The following RHBDD1 variants were observed in gnomAD, a reference collection of about 807,000 sequenced individuals.
The protein encoded by RHBDD1 is rhomboid domain containing 1, also known as rhomboid-related protein 4.
RHBDD1 carries 38 observed loss-of-function variants against 36.3 expected under a neutral mutation model. The observed-to-expected ratio is 1.05, with a 90% CI of 0.81 to 1.37. RHBDD1 has a LOEUF of 1.37. Ranked by LOEUF, RHBDD1 falls within the 40% of genes most tolerant of loss-of-function variation. The pLI is 0.00. For missense variants in RHBDD1, 393 were observed against 377.6 expected (o/e 1.04, Z -0.34); for synonymous variants, 151 against 136.5 (o/e 1.11, Z -0.74).
the RHBDD1 span, among the ~76,000 whole-genome samples, chr2:226,815,746 A>G: frequency 6.6e-6 from 1 of 152,202 alleles, no homozygotes; most frequent in African/African-American, 2.4e-5. Flanking sequence ...AGTGGCCACT[A>G]TATTTGTTTC....
intron 3 of RHBDD1, among the ~76,000 whole-genome samples, chr2:226,850,372 CAG>C (rs1019408505): frequency 4.4e-4 from 67 of 152,294 alleles, no homozygotes; most frequent in African/African-American, 1.5e-3. Flanking sequence ...TCTGCGGTTT[CAG>C]AGAGGTCTTT....
At chr2:226,904,682 A>G (rs923305082) in intron 5 of RHBDD1, among the ~76,000 whole-genome samples, 5 of 152,118 alleles carry the variant, frequency 3.3e-5, no homozygotes, top group African/African-American at 9.7e-5. Flanking sequence ...AGTGTTCCTC[A>G]TTGCATGTTC....
At position 226,973,930 on chromosome 2, in the gene RHBDD1, A is replaced by T. The variant is rs115125502; in HGVS notation, c.857-21501A>T. ...CCCTGAGAATCTCCTTTTCGTTCGC[A>T]TGGGCTCTTTGATAGCAGAGTGGCT... On this transcript the variant is annotated intron_variant, in intron 8 of 8. Coordinates refer to ENST00000392062, the MANE Select transcript of RHBDD1 (RefSeq NM_001167608.3). Among the ~76,000 whole-genome samples, 847 of 152,252 alleles carry T rather than the reference A, an allele frequency of 5.6e-3. 10 individuals carry two copies. Among genetic ancestry groups the T allele is most frequent in the African/African-American group, 0.02 (813 of 41,540 alleles).
At chr2:226,834,827 G>A (rs1221544764), upstream of RHBDD1, among the ~76,000 whole-genome samples, 1 of 152,122 alleles carries the variant, frequency 6.6e-6, no homozygotes, top group African/African-American at 2.4e-5. Context: ...TGTCGCCCAG[G>A]CTGGAGTGCA....
At chr2:226,823,954 A>C in the RHBDD1 span, among the ~76,000 whole-genome samples, 1 of 152,138 alleles carries the variant, frequency 6.6e-6, no homozygotes, top group Non-Finnish European at 1.5e-5. Flanking sequence ...CTCATGATTG[A>C]ATCACACCCC....
At chr2:226,882,467 G>T (rs1945843910) in intron 5 of RHBDD1, among the ~76,000 whole-genome samples, 1 of 143,152 alleles carries the variant, frequency 7.0e-6, no homozygotes, top group African/African-American at 2.6e-5. Flanking sequence ...AGAAGAAGAA[G>T]AAGAAAAAGA....
intron 8 of RHBDD1, among the ~76,000 whole-genome samples, chr2:226,923,507 G>A (rs2125788903): frequency 6.6e-6 from 1 of 152,086 alleles, no homozygotes; most frequent in African/African-American, 2.4e-5. Context: ...TCTTATTTGG[G>A]TCAAATCTGT....
chr2:226,808,178 T>A, the RHBDD1 span, among the ~76,000 whole-genome samples: 6 of 152,098 alleles, frequency 3.9e-5, no homozygotes, highest in Non-Finnish European at 8.8e-5. Context: ...TCTGAATATA[T>A]TTTGAGGGCA....
chr2:226,946,582 G>A (rs999967719), intron 8 of RHBDD1, among the ~76,000 whole-genome samples: 2 of 151,786 alleles, frequency 1.3e-5, no homozygotes, highest in African/African-American at 4.8e-5. Context: ...TTAACAAAAC[G>A]GACCACTAGC....
intron 8 of RHBDD1, among the ~76,000 whole-genome samples, chr2:226,919,784 C>G (rs147321172): frequency 6.6e-6 from 1 of 151,786 alleles, no homozygotes; most frequent in Non-Finnish European, 1.5e-5. Flanking sequence ...TCTTTCTGCT[C>G]GGGATAGCTT....
At chr2:226,937,896 T>G (rs1358547710) in intron 8 of RHBDD1, among the ~76,000 whole-genome samples, 1 of 152,158 alleles carries the variant, frequency 6.6e-6, no homozygotes, top group Non-Finnish European at 1.5e-5. Context: ...AGTGCTGCAG[T>G]GAACATACAC....
chr2:226,922,202 CTTT>C lies in RHBDD1; in HGVS notation c.856+7872_856+7874del, dbSNP rs1017204610. Among the ~76,000 whole-genome samples the C allele has an allele frequency of 7.6e-5, 8 of 105,030 alleles. No homozygotes were observed. The South Asian group carries it at 1.1e-3, about 14-fold the overall frequency. 68.9% of individuals were successfully genotyped at this position (105,030 alleles called of 152,430 possible). A position where few individuals can be genotyped will look rare whatever the true frequency, so the allele number is the denominator to read the frequency against. ...TCCACTGGAATTAAGTATCTTTTTC[CTTT>C]TTTTTTTTTTTTTTTTTTTTGAGAC... On this transcript the variant is annotated intron_variant, in intron 8 of 8. Transcript: ENST00000392062.
chr2:226,904,651 C>T (rs1221464477), intron 5 of RHBDD1, among the ~76,000 whole-genome samples: 1 of 152,198 alleles, frequency 6.6e-6, no homozygotes, highest in Non-Finnish European at 1.5e-5. Context: ...TTACAAGGCT[C>T]CTGTTTGTCT....
upstream of RHBDD1, among the ~76,000 whole-genome samples, chr2:226,834,318 G>A (rs192818246): frequency 2.6e-3 from 398 of 152,296 alleles, 1 homozygote; most frequent in African/African-American, 8.5e-3. Flanking sequence ...CCCCTCTAGG[G>A]AAATACAGAA....
At chr2:226,920,123 A>C (rs563879974) in intron 8 of RHBDD1, among the ~76,000 whole-genome samples, 3 of 151,982 alleles carry the variant, frequency 2.0e-5, no homozygotes, top group African/African-American at 7.2e-5. Flanking sequence ...TAAATAAATA[A>C]AAACTTGTAA....
At chr2:226,844,821 C>T (rs910696235) in intron 3 of RHBDD1, among the ~76,000 whole-genome samples, 1 of 152,178 alleles carries the variant, frequency 6.6e-6, no homozygotes, top group African/African-American at 2.4e-5. Context: ...TACTGGAAAT[C>T]ATAAATGGTG....
chr2:226,855,373 G>T (rs768205789), intron 3 of RHBDD1, among the ~76,000 whole-genome samples: 2 of 152,176 alleles, frequency 1.3e-5, no homozygotes, highest in African/African-American at 2.4e-5. Context: ...TGGGTGTGGT[G>T]ACACTTGCAT....
At chr2:226,854,329 A>C (rs930353139) in intron 3 of RHBDD1, among the ~76,000 whole-genome samples, 5 of 152,138 alleles carry the variant, frequency 3.3e-5, no homozygotes, top group African/African-American at 1.2e-4. Flanking sequence ...GTGGTGGCTC[A>C]CACCTGTAAT....
chr2:226,948,413 G>A (rs1227308819), intron 8 of RHBDD1, among the ~76,000 whole-genome samples: 3 of 139,684 alleles, frequency 2.1e-5, no homozygotes, highest in African/African-American at 8.0e-5. Flanking sequence ...TCTGGGGACT[G>A]TGGTGGGGTA....
Sources: gnomAD v4.1 joint callset for allele counts (sites outside exome capture counted in the v4.1 genomes callset) on GRCh38, gnomAD v4.1.1 for gene constraint, MANE v1.5 for transcripts, NCBI Gene and HGNC (gene_info 2026-07-23, HGNC 2026-07-21) for gene names.